Variants in DGKH observed in about 807,000 individuals in gnomAD.
DGKH encodes diacylglycerol kinase eta.
Under a neutral mutation model 159.3 loss-of-function variants are expected in DGKH, and 90 were observed. That is an observed-to-expected ratio of 0.57 (90% CI 0.48 to 0.67). The LOEUF is 0.67. DGKH is among the 30% of genes least tolerant of loss of function. DGKH has a pLI of 0.00. For synonymous variants in DGKH, 536 were observed against 553.8 expected (o/e 0.97, Z 0.45); for missense variants, 1,181 against 1,506.1 (o/e 0.78, Z 3.57).
rs964479809 is a variant in DGKH at position 42,125,029 on chromosome 13, G to C, written c.193-2434G>C. Among the ~76,000 whole-genome samples, 10 of 152,264 alleles carry C rather than the reference G, an allele frequency of 6.6e-5. No homozygotes were observed. In the South Asian group the frequency reaches 2.1e-3, roughly 32 times the overall value. On this transcript the variant is annotated intron_variant, in intron 1 of 29. Coordinates refer to ENST00000337343, the MANE Select transcript of DGKH (RefSeq NM_178009.5). ...GACCCTCCCCTAGTCTAAGGCAGTG[G>C]TTTTCCACCGTGGCTGCCATTTGAA... is the stretch of plus-strand genomic sequence containing the variant.
intron 13 of DGKH, among the ~76,000 whole-genome samples, chr13:42,185,344 C>T (rs887018129): frequency 2.0e-5 from 3 of 152,178 alleles, no homozygotes; most frequent in Non-Finnish European, 2.9e-5. Context: ...CATGCCCCTT[C>T]CTCAGCTCCT....
At chr13:42,092,600 A>G (rs914091451) in intron 1 of DGKH, among the ~76,000 whole-genome samples, 2 of 152,134 alleles carry the variant, frequency 1.3e-5, no homozygotes, top group African/African-American at 4.8e-5. Context: ...GGGAAGGGAA[A>G]CGGGGAGGGA....
At chr13:42,173,950 T>C (rs1594143393) in intron 11 of DGKH, 110 bp from the exon 12 acceptor site, 1 of 633,446 alleles carries the variant, frequency 1.6e-6, no homozygotes, top group South Asian at 2.1e-5. Context: ...AATGTGTGTG[T>C]GTGTGTGTGC....
chr13:42,062,570 A>G (rs1258427473), intron 1 of DGKH, among the ~76,000 whole-genome samples: 1 of 152,200 alleles, frequency 6.6e-6, no homozygotes, highest in African/African-American at 2.4e-5. Flanking sequence ...CCTTGGGGGA[A>G]CCAAAGAAAT....
Position 42,195,014 on chromosome 13 carries a change from C to T in DGKH, c.2165C>T (p.Pro722Leu). Residue 722 changes from proline (P) to leucine (L), a missense_variant and splice_region_variant, in exon 17 of 30, where the codon CCA (proline) becomes CTA (leucine). Coordinates refer to ENST00000337343, the MANE Select transcript of DGKH (RefSeq NM_178009.5). Reference sequence around the variant, plus strand: ...GTGCTCAATACCAGAATAATCTGCCCAGGTAGTACAGATTCTGAAACATCG... The same window carrying T: ...GTGCTCAATACCAGAATAATCTGCCTAGGTAGTACAGATTCTGAAACATCG... ...LPVLNTRIICPGLRAGLAASI... is the reference protein window; with the variant it reads ...LPVLNTRIICLGLRAGLAASI... The T allele has an allele frequency of 6.2e-7, 1 of 1,610,660 alleles. No individual in the cohort carries two copies. The highest frequency in any genetic ancestry group is 8.5e-7 in the Non-Finnish European group (1 of 1,179,140).
rs562070537 is a variant in DGKH at position 42,118,148 on chromosome 13, C to T, written c.193-9315C>T. Among the ~76,000 whole-genome samples the T allele has an allele frequency of 9.2e-5, 14 of 152,048 alleles. No individual in the cohort carries two copies. In the East Asian group the frequency reaches 2.7e-3, roughly 29 times the overall value. On this transcript the variant is annotated intron_variant, in intron 1 of 29. Coordinates refer to ENST00000337343, the MANE Select transcript of DGKH (RefSeq NM_178009.5). Reference sequence around the variant, plus strand: ...AGGAGAATGGCATGAACCCGGGAGGCGGAGCTTGCAGTGAGCCCAGGTCGC... The same window carrying T: ...AGGAGAATGGCATGAACCCGGGAGGTGGAGCTTGCAGTGAGCCCAGGTCGC...
chr13:42,199,434 G>C, intron 18 of DGKH, 132 bp from the exon 19 acceptor site: 1 of 580,366 alleles, frequency 1.7e-6, no homozygotes, highest in East Asian at 3.1e-5. Context: ...AATAGGAAGT[G>C]ATTAGTGCTA....
rs1212142708 is a variant in DGKH at position 42,051,762 on chromosome 13, C to A, written c.192+2797C>A. Among the ~76,000 whole-genome samples the A allele has an allele frequency of 3.5e-5, 5 of 143,408 alleles. No homozygotes were observed. The South Asian group carries it at 1.1e-3, about 32-fold the overall frequency. 94.1% of individuals were successfully genotyped at this position (143,408 alleles called of 152,430 possible). A position where few individuals can be genotyped will look rare whatever the true frequency, so the allele number is the denominator to read the frequency against. On this transcript the variant is annotated intron_variant, in intron 1 of 29. Transcript: ENST00000337343. The stretch of plus-strand genomic sequence containing the variant: ...GCAGCCTCCACCTCCCAGGTTCAAG[C>A]GATTCTCCTGCCCCTGCCTCAGCCT...
At position 42,219,352 on chromosome 13, in the gene DGKH, A is replaced by T; in HGVS notation, c.3333+3A>T. On this transcript the variant is annotated splice_donor_region_variant and intron_variant, in intron 27 of 29. Coordinates refer to ENST00000337343, the MANE Select transcript of DGKH (RefSeq NM_178009.5). The stretch of plus-strand genomic sequence containing the variant: ...TCTTACACCCAAATGAGGATGAGGT[A>T]TGTAAAATTCAGCCTGTTTCTCTAG... 5 of 1,613,222 alleles carry T rather than the reference A, an allele frequency of 3.1e-6. No homozygotes were observed. The highest frequency in any genetic ancestry group is 4.2e-6 in the Non-Finnish European group (5 of 1,179,686).
At chr13:42,113,999 T>C (rs1954918913) in intron 1 of DGKH, among the ~76,000 whole-genome samples, 1 of 152,186 alleles carries the variant, frequency 6.6e-6, no homozygotes, top group Admixed American at 6.5e-5. Flanking sequence ...ATAGAAAATC[T>C]ACTGTCTTTT....
chr13:42,132,143 T>G (rs139795470), intron 3 of DGKH, among the ~76,000 whole-genome samples: 95 of 152,314 alleles, frequency 6.2e-4, no homozygotes, highest in Non-Finnish European at 1.0e-3. Flanking sequence ...TGCTTTTTAT[T>G]TTTTTAATGA....
At chr13:42,071,192 T>C in intron 1 of DGKH, 3 of 490,460 alleles carry the variant, frequency 6.1e-6, no homozygotes, top group Non-Finnish European at 1.1e-5. Context: ...CAAAAAGGGA[T>C]AAGAAAAATA....
chr13:42,208,169 T>C (rs560560689), intron 21 of DGKH, among the ~76,000 whole-genome samples: 3 of 152,268 alleles, frequency 2.0e-5, no homozygotes, highest in African/African-American at 7.2e-5. Context: ...ATAAAAAAAT[T>C]ACAAATTACA....
chr13:42,238,594 G>C lies in DGKH; in HGVS notation c.*9406G>C, dbSNP rs1352132351. Reference sequence around the variant, plus strand: ...TGGAGTATGTGATGTTCCTTTCTCTGTACTGAGTTCTGAATGTTTAATCCA... The same window carrying C: ...TGGAGTATGTGATGTTCCTTTCTCTCTACTGAGTTCTGAATGTTTAATCCA... On this transcript the variant is annotated 3_prime_UTR_variant, in exon 30 of 30. Transcript: ENST00000337343. 2 of 152,060 alleles carry C rather than the reference G, an allele frequency of 1.3e-5. No individual in the cohort carries two copies. Among genetic ancestry groups the C allele is most frequent in the Non-Finnish European group, 2.9e-5 (2 of 67,974 alleles). The allele number at this position is 152,060 out of a possible 1,614,324, so 9.4% of individuals were successfully genotyped here.
intron 1 of DGKH, among the ~76,000 whole-genome samples, chr13:42,061,383 G>A (rs376688264): frequency 2.0e-5 from 3 of 152,260 alleles, no homozygotes; most frequent in African/African-American, 7.2e-5. Context: ...CTTGTAGGCC[G>A]CTCTTTGTTA....
rs542933966 is a variant in DGKH, at chr13:42,065,045, C to T, written c.192+16080C>T. On this transcript the variant is annotated intron_variant, in intron 1 of 29. Transcript: ENST00000337343. ...GGATTAAGGAGATAAAACCTTCAGCCTGGCATACAGTAAGTGCTAGTAAAT... is the reference window on the plus strand; with the variant it reads ...GGATTAAGGAGATAAAACCTTCAGCTTGGCATACAGTAAGTGCTAGTAAAT... 4.6e-4 allele frequency among the ~76,000 whole-genome samples: 70 copies of T among 152,244 alleles called. 1 individual carries two copies. In the South Asian group the frequency reaches 0.014, roughly 31 times the overall value.
intron 29 of DGKH, among the ~76,000 whole-genome samples, chr13:42,222,933 G>C (rs1958020839): frequency 6.6e-6 from 1 of 152,128 alleles, no homozygotes; most frequent in African/African-American, 2.4e-5. Context: ...AGTTAGAAAA[G>C]AATAGAAAGA....
At chr13:42,085,316 C>T (rs115598112) in intron 1 of DGKH, among the ~76,000 whole-genome samples, 1,675 of 152,244 alleles carry the variant, frequency 0.011, 29 homozygotes, top group African/African-American at 0.038. Context: ...CTCCCTTCCC[C>T]CTATGCTTCT....
At chr13:42,183,732 G>A (rs1956835297) in intron 13 of DGKH, among the ~76,000 whole-genome samples, 1 of 152,186 alleles carries the variant, frequency 6.6e-6, no homozygotes, top group Non-Finnish European at 1.5e-5. Flanking sequence ...GGTAATAAGA[G>A]TTATCTTCTG....
Sources: allele counts gnomAD v4.1 joint callset (sites outside exome capture counted in the v4.1 genomes callset), GRCh38; gene constraint gnomAD v4.1.1; transcripts MANE v1.5; gene names NCBI Gene and HGNC (gene_info 2026-07-23, HGNC 2026-07-21).